PCDH11Y: variants seen among roughly 807,000 people sequenced by gnomAD.
PCDH11Y encodes the protein protocadherin 11 Y-linked, also known as protocadherin-11 Y-linked.
For missense variants in PCDH11Y, 12 were observed against 224.8 expected (o/e 0.05, Z 6.05); for synonymous variants, 9 against 83.6 (o/e 0.11, Z 4.87).
At chrY:5,108,016 G>A (rs1602868665), downstream of PCDH11Y, among the ~76,000 whole-genome samples, 31 of 25,591 alleles carry the variant, frequency 1.2e-3, no homozygotes, top group Admixed American at 1.2e-3. Context: ...CCGAGATCGC[G>A]CCACTGCACT....
At chrY:5,567,398 A>G (rs2053436350) in intron 3 of PCDH11Y, among the ~76,000 whole-genome samples, 1 of 29,634 alleles carries the variant, frequency 3.4e-5, no homozygotes, top group Non-Finnish European at 8.0e-5. Context: ...TTAAAATAAC[A>G]GTAATAGTTC....
chrY:5,231,105 C>T, intron 2 of PCDH11Y, among the ~76,000 whole-genome samples: 1 of 32,606 alleles, frequency 3.1e-5, no homozygotes, highest in Admixed American at 2.8e-4. Flanking sequence ...TTTGAATTAT[C>T]TGTCTGCAAG....
At chrY:5,305,041 CT>C (rs2053088326) in intron 2 of PCDH11Y, among the ~76,000 whole-genome samples, 1 of 32,961 alleles carries the variant, frequency 3.0e-5, no homozygotes, top group African/African-American at 1.2e-4. Context: ...AGAACAATAC[CT>C]TAGCTAAAAA....
At chrY:5,396,770 C>CT (rs2053227736) in intron 2 of PCDH11Y, among the ~76,000 whole-genome samples, 1 of 30,554 alleles carries the variant, frequency 3.3e-5, no homozygotes, top group Non-Finnish European at 7.9e-5. Context: ...ATTTTTTTTT[C>CT]TTTTTTTTGA....
downstream of PCDH11Y, among the ~76,000 whole-genome samples, chrY:5,106,439 A>C: frequency 3.2e-5 from 1 of 30,890 alleles, no homozygotes; most frequent in Non-Finnish European, 7.8e-5. Flanking sequence ...TGGATATTTA[A>C]TATATAGGTA....
intron 2 of PCDH11Y, among the ~76,000 whole-genome samples, chrY:5,237,748 A>G: frequency 6.0e-5 from 2 of 33,110 alleles, no homozygotes; most frequent in African/African-American, 2.4e-4. Flanking sequence ...ATCAATGTGC[A>G]AAAATCACAA....
At chrY:5,210,096 A>C (rs1277424192) in intron 2 of PCDH11Y, among the ~76,000 whole-genome samples, 16 of 34,026 alleles carry the variant, frequency 4.7e-4, no homozygotes, top group Non-Finnish European at 1.0e-3. Context: ...AAAAATAAAT[A>C]AAAAGTTTAA....
intron 2 of PCDH11Y, among the ~76,000 whole-genome samples, chrY:5,414,664 C>G: frequency 3.0e-5 from 1 of 33,148 alleles, no homozygotes; most frequent in Admixed American, 2.7e-4. Flanking sequence ...TGCCAGAGTG[C>G]TTGTGCTGTT....
At chrY:5,142,214 T>C (rs2052852328) in intron 2 of PCDH11Y, among the ~76,000 whole-genome samples, 1 of 30,902 alleles carries the variant, frequency 3.2e-5, no homozygotes, top group African/African-American at 1.3e-4. Flanking sequence ...CTATGAGATA[T>C]CATCTCACAC....
At chrY:5,586,004 A>G in intron 4 of PCDH11Y, among the ~76,000 whole-genome samples, 1 of 30,380 alleles carries the variant, frequency 3.3e-5, no homozygotes, top group Non-Finnish European at 7.9e-5. Flanking sequence ...CCTGTAGTAT[A>G]GTATAGTTTG....
chrY:5,520,688 C>G, intron 3 of PCDH11Y, among the ~76,000 whole-genome samples: 1 of 29,783 alleles, frequency 3.4e-5, no homozygotes, highest in Admixed American at 3.1e-4. Context: ...TCTGAAGTCT[C>G]TAAGTAGTAC....
At chrY:5,392,058 G>A in intron 2 of PCDH11Y, among the ~76,000 whole-genome samples, 1 of 32,789 alleles carries the variant, frequency 3.0e-5, no homozygotes, top group Non-Finnish European at 7.5e-5. Context: ...AAGTTATATT[G>A]CTGACAGCGA....
chrY:5,239,911 A>T, intron 2 of PCDH11Y, among the ~76,000 whole-genome samples: 2 of 33,149 alleles, frequency 6.0e-5, no homozygotes, highest in African/African-American at 1.2e-4. Context: ...GATCATAGTA[A>T]AGTTTGCTAC....
intron 4 of PCDH11Y, among the ~76,000 whole-genome samples, chrY:5,625,601 A>G: frequency 3.8e-5 from 1 of 26,008 alleles, no homozygotes. Context: ...AAGTTCCTTC[A>G]ATGCCTAGTT....
chrY:5,524,965 T>A, intron 3 of PCDH11Y, among the ~76,000 whole-genome samples: 1 of 27,766 alleles, frequency 3.6e-5, no homozygotes, highest in Non-Finnish European at 8.3e-5. Flanking sequence ...TTATCCAGTC[T>A]ATCACTGATG....
At chrY:5,690,535 G>A in intron 4 of PCDH11Y, among the ~76,000 whole-genome samples, 1 of 32,422 alleles carries the variant, frequency 3.1e-5, no homozygotes, top group African/African-American at 1.2e-4. Context: ...TATTAAATTA[G>A]TATTTTAGTA....
intron 2 of PCDH11Y, among the ~76,000 whole-genome samples, chrY:5,268,807 G>A: frequency 3.7e-5 from 1 of 26,814 alleles, no homozygotes; most frequent in Non-Finnish European, 8.7e-5. Flanking sequence ...ACTGATAAGC[G>A]CTGAAGGCTG....
chrY:5,316,022 A>G, intron 2 of PCDH11Y, among the ~76,000 whole-genome samples: 3 of 33,214 alleles, frequency 9.0e-5, no homozygotes, highest in Non-Finnish European at 2.2e-4. Flanking sequence ...CAAACTCTCT[A>G]AAATATTTGA....
intron 2 of PCDH11Y, among the ~76,000 whole-genome samples, chrY:5,121,497 G>C: frequency 3.1e-5 from 1 of 32,383 alleles, no homozygotes; most frequent in Admixed American, 2.9e-4. Context: ...TGTGTCCACC[G>C]ATTGAAGGTG....
Sources: gnomAD v4.1 joint callset for allele counts (sites outside exome capture counted in the v4.1 genomes callset) on GRCh38, gnomAD v4.1.1 for gene constraint, MANE v1.5 for transcripts, NCBI Gene and HGNC (gene_info 2026-07-23, HGNC 2026-07-21) for gene names.